PRDX3: variants seen among roughly 807,000 people sequenced by gnomAD.
The protein encoded by PRDX3 is thioredoxin-dependent peroxide reductase, mitochondrial.
A neutral mutation model predicts 30.4 loss-of-function variants in PRDX3; 20 were observed. The ratio of observed to expected loss-of-function variants is 0.66; its 90% CI spans 0.46 to 0.96. PRDX3 has a LOEUF of 0.96. Ranked by LOEUF, PRDX3 falls within the 40% of genes least tolerant of loss-of-function variation. The pLI, the probability that PRDX3 is intolerant of heterozygous loss-of-function variation, is 0.00. For missense variants in PRDX3, 322 were observed against 318.3 expected (o/e 1.01, Z -0.09); for synonymous variants, 124 against 117.8 (o/e 1.05, Z -0.34).
intron 2 of PRDX3, among the ~76,000 whole-genome samples, chr10:119,176,390 A>G (rs749050317): frequency 2.0e-5 from 3 of 152,228 alleles, no homozygotes; most frequent in Admixed American, 6.5e-5. Context: ...GCCCACAAAC[A>G]AAGGCTTTAC....
chr10:119,171,413 T>C (rs1847906176), intron 5 of PRDX3, among the ~76,000 whole-genome samples: 1 of 152,138 alleles, frequency 6.6e-6, no homozygotes, highest in Non-Finnish European at 1.5e-5. Context: ...GGATCCCCTC[T>C]CTTCCTTCCT....
chr10:119,177,622 A>ACTC (rs1344441761), intron 1 of PRDX3, among the ~76,000 whole-genome samples: 1 of 142,814 alleles, frequency 7.0e-6, no homozygotes, highest in Non-Finnish European at 1.5e-5. Context: ...GCGCCATTGC[A>ACTC]CTCTAACCTG....
Position 119,167,952 on chromosome 10 carries a change from C to T in PRDX3, c.*528G>A, listed in dbSNP as rs1847806034. ...ATCATGCATGATCAGTTAAGTCACT[C>T]TGCCACTTTTTAAAATAATACGATT... On this transcript the variant is annotated 3_prime_UTR_variant, in exon 7 of 7. Coordinates refer to ENST00000298510, the MANE Select transcript of PRDX3 (RefSeq NM_006793.5). 6.5e-6 allele frequency: 1 copy of T among 153,480 alleles called. No individual in the cohort carries two copies. Among genetic ancestry groups the T allele is most frequent in the African/African-American group, 2.4e-5 (1 of 41,458 alleles). 9.5% of individuals were successfully genotyped at this position (153,480 alleles called of 1,614,324 possible).
chr10:119,169,443 T>C (rs1470446509), intron 5 of PRDX3, 101 bp from the exon 6 acceptor site: 2 of 1,026,004 alleles, frequency 1.9e-6, no homozygotes, highest in African/African-American at 1.6e-5. Flanking sequence ...TAATAAAATA[T>C]TTATTAAGCG....
At position 119,178,765 on chromosome 10, in the gene PRDX3, A is replaced by C; in HGVS notation, c.26T>G (p.Leu9Arg). 1 of 1,552,730 alleles carries C rather than the reference A, an allele frequency of 6.4e-7. No individual in the cohort carries two copies. The highest frequency in any genetic ancestry group is 8.7e-7 in the Non-Finnish European group (1 of 1,148,136). MAAAVGRLLRASVARHVSA... is the reference protein window; with the variant it reads MAAAVGRLRRASVARHVSA... The stretch of plus-strand genomic sequence containing the variant: ...CCGACAGCCACTCACCGACGCTCGG[A>C]GCAACCGTCCTACAGCAGCCGCCAT... The change falls in exon 1 of 7, where the codon CTC (leucine) becomes CGC (arginine). Residue 9 changes from leucine (L) to arginine (R), a missense_variant. Coordinates refer to ENST00000298510, the MANE Select transcript of PRDX3 (RefSeq NM_006793.5).
At chr10:119,169,045 G>T in intron 6 of PRDX3, 132 bp downstream of exon 6, 1 of 701,888 alleles carries the variant, frequency 1.4e-6, no homozygotes. Flanking sequence ...CTACCCCACA[G>T]CAGCTTCACC....
At chr10:119,178,257 C>T (rs34010959) in intron 1 of PRDX3, among the ~76,000 whole-genome samples, 1 of 152,164 alleles carries the variant, frequency 6.6e-6, no homozygotes, top group Non-Finnish European at 1.5e-5. Context: ...AAGAGCACGA[C>T]GCATTGCCCA....
In PRDX3 at chr10:119,178,783, G is replaced by C. The variant is rs770221597; in HGVS notation, c.8C>G (p.Ala3Gly). 6.4e-7 allele frequency: 1 copy of C among 1,553,106 alleles called. No homozygotes were observed. Among genetic ancestry groups the C allele is most frequent in the South Asian group, 1.2e-5 (1 of 84,226 alleles). Residue 3 changes from alanine to glycine, a missense_variant, in exon 1 of 7, where the codon GCT becomes GGT. Transcript: ENST00000298510. The stretch of plus-strand genomic sequence containing the variant: ...CGCTCGGAGCAACCGTCCTACAGCA[G>C]CCGCCATCTTCAGTGCACTCGGGCG... Reference protein sequence around the residue: MAAAVGRLLRASV... With the variant: MAGAVGRLLRASV...
intron 5 of PRDX3, 22 bp from the exon 6 acceptor site, chr10:119,169,364 T>A (rs777244585): frequency 6.2e-7 from 1 of 1,606,470 alleles, no homozygotes; most frequent in South Asian, 1.1e-5. Flanking sequence ...TTTATCCTCA[T>A]CAGTGCCTCA....
chr10:119,172,626 C>G (rs1181236150), intron 4 of PRDX3, 141 bp from the exon 5 acceptor site: 1 of 715,330 alleles, frequency 1.4e-6, no homozygotes, highest in Non-Finnish European at 2.4e-6. Context: ...ACTCTATTAA[C>G]CTACTGCCTC....
intron 5 of PRDX3, among the ~76,000 whole-genome samples, chr10:119,171,365 GC>G (rs1847904821): frequency 6.6e-6 from 1 of 152,106 alleles, no homozygotes; most frequent in African/African-American, 2.4e-5. Flanking sequence ...AAGCTGACCA[GC>G]CCCCAGCAAA....
chr10:119,175,616 C>T (rs1036101214), intron 2 of PRDX3, among the ~76,000 whole-genome samples: 3 of 151,844 alleles, frequency 2.0e-5, no homozygotes, highest in African/African-American at 7.3e-5. Flanking sequence ...AGGATGGTCT[C>T]CATCTCCTGA....
Position 119,168,297 on chromosome 10 carries a change from C to G in PRDX3, c.*183G>C, listed in dbSNP as rs917169325. The stretch of plus-strand genomic sequence containing the variant: ...ACCAATAAAGGATTCCTTGTACTAG[C>G]AACTAACCATGTTTAAAAGGTCTTA... On this transcript the variant is annotated 3_prime_UTR_variant, in exon 7 of 7. Coordinates refer to ENST00000298510, the MANE Select transcript of PRDX3 (RefSeq NM_006793.5). The G allele has an allele frequency of 8.0e-7, 1 of 1,242,752 alleles. No individual in the cohort carries two copies. The highest frequency in any genetic ancestry group is 1.1e-6 in the Non-Finnish European group (1 of 930,612). 77.0% of individuals were successfully genotyped at this position (1,242,752 alleles called of 1,614,324 possible). A position where few individuals can be genotyped will look rare whatever the true frequency, so the allele number is the denominator to read the frequency against.
At chr10:119,174,398 GAT>G in intron 3 of PRDX3, 51 bp downstream of exon 3, 2 of 1,547,306 alleles carry the variant, frequency 1.3e-6, no homozygotes, top group Non-Finnish European at 1.7e-6. Context: ...GTGGGAACAG[GAT>G]ATGTGCTTGC....
intron 5 of PRDX3, chr10:119,170,350 TAGA>T (rs1201242357): frequency 6.6e-6 from 1 of 152,150 alleles, no homozygotes; most frequent in East Asian, 1.9e-4. Flanking sequence ...AGTCCACCAA[TAGA>T]AGGTGAGGCA....
At chr10:119,172,932 TTTTATTTA>T (rs1244089807) in intron 4 of PRDX3, among the ~76,000 whole-genome samples, 1 of 151,786 alleles carries the variant, frequency 6.6e-6, no homozygotes, top group Admixed American at 6.6e-5. Context: ...TTCTTTATTA[TTTTATTTA>T]TTTATTTATT....
chr10:119,169,428 C>T, intron 5 of PRDX3, 86 bp from the exon 6 acceptor site: 1 of 1,108,852 alleles, frequency 9.0e-7, no homozygotes. Flanking sequence ...CTTTAATTCT[C>T]CTTTTAATAA....
At chr10:119,177,755 T>C (rs1268953282) in intron 1 of PRDX3, among the ~76,000 whole-genome samples, 1 of 150,120 alleles carries the variant, frequency 6.7e-6, no homozygotes, top group Admixed American at 6.7e-5. Context: ...CTGCTGAGTA[T>C]GTTCTACCAT....
At chr10:119,173,467 G>A (rs1233635996) in intron 4 of PRDX3, among the ~76,000 whole-genome samples, 1 of 152,062 alleles carries the variant, frequency 6.6e-6, no homozygotes, top group Non-Finnish European at 1.5e-5. Flanking sequence ...AAATTAGCCA[G>A]GGGTGGTGAC....
Sources: gnomAD v4.1 joint callset for allele counts (sites outside exome capture counted in the v4.1 genomes callset) on GRCh38, gnomAD v4.1.1 for gene constraint, MANE v1.5 for transcripts, NCBI Gene and HGNC (gene_info 2026-07-23, HGNC 2026-07-21) for gene names.